VAV3: variants seen among roughly 807,000 people sequenced by gnomAD.
The protein encoded by VAV3 is vav guanine nucleotide exchange factor 3.
Under a neutral mutation model 131.2 loss-of-function variants are expected in VAV3, and 94 were observed. That is an observed-to-expected ratio of 0.72 (90% CI 0.61 to 0.85). The LOEUF (loss-of-function observed/expected upper bound fraction) is 0.85, where lower values mean the gene tolerates loss of function less well. VAV3 is among the 40% of genes least tolerant of loss of function. VAV3 has a pLI of 0.00. For synonymous variants in VAV3, 349 were observed against 342.0 expected (o/e 1.02, Z -0.22); for missense variants, 939 against 1,002.7 (o/e 0.94, Z 0.86).
intron 25 of VAV3, among the ~76,000 whole-genome samples, chr1:107,583,257 GTTGT>G (rs1386476460): frequency 2.6e-5 from 4 of 151,992 alleles, no homozygotes; most frequent in Non-Finnish European, 5.9e-5. Context: ...TTTTGATGGG[GTTGT>G]TTGAGTAAGA....
At chr1:107,631,109 A>T (rs907641319) in intron 20 of VAV3, among the ~76,000 whole-genome samples, 9 of 152,102 alleles carry the variant, frequency 5.9e-5, no homozygotes, top group African/African-American at 1.9e-4. Context: ...TCAAAAAGGT[A>T]CCCCTTATTT....
intron 19 of VAV3, among the ~76,000 whole-genome samples, chr1:107,661,125 T>C (rs1301693032): frequency 6.6e-6 from 1 of 152,192 alleles, no homozygotes; most frequent in Non-Finnish European, 1.5e-5. Context: ...TTTCCTTATA[T>C]GGATTTTCTA....
At chr1:107,629,572 A>C (rs965712750) in intron 20 of VAV3, among the ~76,000 whole-genome samples, 4 of 152,158 alleles carry the variant, frequency 2.6e-5, no homozygotes, top group African/African-American at 9.6e-5. Context: ...TTTTATATTC[A>C]TTTCACTTGA....
At chr1:107,643,146 C>T (rs1655483051) in intron 19 of VAV3, among the ~76,000 whole-genome samples, 1 of 152,146 alleles carries the variant, frequency 6.6e-6, no homozygotes, top group Admixed American at 6.6e-5. Flanking sequence ...TGGCTGATTT[C>T]ATCACTGAGG....
chr1:107,953,804 G>A (rs1048979977), intron 1 of VAV3, among the ~76,000 whole-genome samples: 1 of 152,054 alleles, frequency 6.6e-6, no homozygotes, highest in Non-Finnish European at 1.5e-5. Flanking sequence ...TTTAAGACAG[G>A]CACTCTGAAA....
At chr1:107,711,028 T>C (rs1660754124) in intron 15 of VAV3, among the ~76,000 whole-genome samples, 1 of 152,162 alleles carries the variant, frequency 6.6e-6, no homozygotes, top group Admixed American at 6.5e-5. Flanking sequence ...GTCAACTGTA[T>C]TTTTCAATAT....
intron 19 of VAV3, among the ~76,000 whole-genome samples, chr1:107,647,663 T>C (rs902693369): frequency 6.6e-6 from 1 of 152,060 alleles, no homozygotes; most frequent in African/African-American, 2.4e-5. Flanking sequence ...TTTCTATAAA[T>C]TTCCTAGGTG....
chr1:107,823,414 C>T (rs575859878), intron 2 of VAV3, among the ~76,000 whole-genome samples: 4 of 152,122 alleles, frequency 2.6e-5, no homozygotes, highest in African/African-American at 9.6e-5. Context: ...ACCTACTGTG[C>T]AGATTAAAAT....
In VAV3 at chr1:107,863,673, T is replaced by C. The variant is rs780744658; in HGVS notation, c.321+11228A>G. On this transcript the variant is annotated intron_variant, in intron 2 of 26. Transcript: ENST00000370056. Reference sequence around the variant, plus strand: ...ATAACTTTCCCTCTACTTACGTATATAGATACGTATATCTTGGTATGTCTG... The same window carrying C: ...ATAACTTTCCCTCTACTTACGTATACAGATACGTATATCTTGGTATGTCTG... Among the ~76,000 whole-genome samples, 218 of 152,222 alleles carry C rather than the reference T, an allele frequency of 1.4e-3. 3 individuals are homozygous for C. The highest frequency in any genetic ancestry group is 2.9e-3 in the Non-Finnish European group (198 of 68,042).
chr1:107,801,197 T>A (rs1172438829), intron 2 of VAV3, among the ~76,000 whole-genome samples: 1 of 152,152 alleles, frequency 6.6e-6, no homozygotes, highest in Non-Finnish European at 1.5e-5. Flanking sequence ...CATGCCATGC[T>A]GATTTGGTTA....
chr1:107,812,576 T>A (rs1667369273), intron 2 of VAV3, among the ~76,000 whole-genome samples: 1 of 152,052 alleles, frequency 6.6e-6, no homozygotes, highest in Admixed American at 6.6e-5. Flanking sequence ...CAATTCCGTA[T>A]GGTGAATAAT....
In VAV3 at chr1:107,714,733, C is replaced by A. The variant is rs143231047; in HGVS notation, c.1503-9672G>T. ...CTTCAAAAACCAAGTTTAAAAAAAA[C>A]AGTTCAGAAGGGACATCTTCACCTA... On this transcript the variant is annotated intron_variant, in intron 15 of 26. Transcript: ENST00000370056. Among the ~76,000 whole-genome samples, 657 of 152,064 alleles carry A rather than the reference C, an allele frequency of 4.3e-3. 8 individuals carry two copies. Among genetic ancestry groups the A allele is most frequent in the South Asian group, 0.015 (72 of 4,820 alleles).
chr1:107,691,089 T>C (rs1358468546), intron 17 of VAV3, among the ~76,000 whole-genome samples: 3 of 152,186 alleles, frequency 2.0e-5, no homozygotes, highest in African/African-American at 7.2e-5. Context: ...GCTTTTGTGC[T>C]TGTGACAGTG....
At chr1:107,704,094 A>T (rs969451585) in intron 17 of VAV3, among the ~76,000 whole-genome samples, 1 of 152,224 alleles carries the variant, frequency 6.6e-6, no homozygotes, top group Non-Finnish European at 1.5e-5. Context: ...TCATTAATTC[A>T]TGAATTAGTC....
chr1:107,786,182 G>C (rs368462299), intron 2 of VAV3, among the ~76,000 whole-genome samples: 16 of 152,214 alleles, frequency 1.1e-4, no homozygotes, highest in African/African-American at 3.6e-4. Flanking sequence ...CAAGAGAGTA[G>C]AGTATCTATA....
intron 21 of VAV3, among the ~76,000 whole-genome samples, chr1:107,614,858 C>G (rs1441026986): frequency 5.9e-5 from 9 of 152,088 alleles, no homozygotes; most frequent in Non-Finnish European, 1.3e-4. Flanking sequence ...AAACAGAAAA[C>G]AGTACATGGT....
chr1:107,643,469 G>GGA (rs1225194919), intron 19 of VAV3, among the ~76,000 whole-genome samples: 1 of 152,158 alleles, frequency 6.6e-6, no homozygotes, highest in East Asian at 1.9e-4. Context: ...AATTGAACAT[G>GGA]GGTCTAGGTG....
chr1:107,694,404 G>A (rs2101800084), intron 17 of VAV3, among the ~76,000 whole-genome samples: 2 of 152,242 alleles, frequency 1.3e-5, no homozygotes, highest in South Asian at 4.2e-4. Flanking sequence ...AGGCATTTTT[G>A]TCATCAAGCA....
intron 16 of VAV3, 83 bp from the exon 17 acceptor site, chr1:107,704,733 G>A (rs181070393): frequency 8.5e-7 from 1 of 1,180,258 alleles, no homozygotes; most frequent in East Asian, 2.4e-5. Context: ...AAGAAAAAAA[G>A]TATCAACAGT....
Sources: gnomAD v4.1 joint callset for allele counts (sites outside exome capture counted in the v4.1 genomes callset) on GRCh38, gnomAD v4.1.1 for gene constraint, MANE v1.5 for transcripts, NCBI Gene and HGNC (gene_info 2026-07-23, HGNC 2026-07-21) for gene names.